The following BCKDHB variants were observed in gnomAD, a reference collection of about 807,000 sequenced individuals.
BCKDHB encodes branched chain keto acid dehydrogenase E1 subunit beta.
BCKDHB carries 41 observed loss-of-function variants against 48.5 expected under a neutral mutation model. The ratio of observed to expected loss-of-function variants is 0.85; its 90% CI spans 0.66 to 1.10. The LOEUF is 1.10. Among genes scored for constraint, BCKDHB ranks in the 50% least tolerant of loss-of-function variants. BCKDHB has a pLI of 0.00. For missense variants in BCKDHB, 496 were observed against 494.2 expected, an observed-to-expected ratio of 1.00 and a Z score of -0.03; for synonymous variants, 201 against 174.8, an observed-to-expected ratio of 1.15 and a Z score of -1.18.
At chr6:80,232,680 A>ATATT (rs3074571) in intron 8 of BCKDHB, among the ~76,000 whole-genome samples, 134,215 of 147,376 alleles carry the variant, frequency 0.91, 61,206 homozygotes, top group East Asian at 0.99. Flanking sequence ...ATAAATATAA[A>ATATT]TATAAATGTA....
the BCKDHB span, chr6:80,356,430 T>A: frequency 6.6e-6 from 1 of 152,204 alleles, no homozygotes; most frequent in Non-Finnish European, 1.5e-5. Flanking sequence ...TCAGGTACAA[T>A]GTACAATTTT....
chr6:80,400,728 G>A, the BCKDHB span, among the ~76,000 whole-genome samples: 71 of 151,878 alleles, frequency 4.7e-4, 1 homozygote, highest in Admixed American at 4.7e-3. Context: ...TATCCCCAAG[G>A]AATATAAATT....
intron 8 of BCKDHB, among the ~76,000 whole-genome samples, chr6:80,211,591 C>T (rs1203997255): frequency 6.6e-6 from 1 of 152,166 alleles, no homozygotes; most frequent in East Asian, 1.9e-4. Context: ...AAGTCAAATT[C>T]CTTACCATGG....
At chr6:80,429,367 G>C in the BCKDHB span, among the ~76,000 whole-genome samples, 3 of 152,070 alleles carry the variant, frequency 2.0e-5, no homozygotes, top group African/African-American at 7.2e-5. Flanking sequence ...TGTTTTTTTG[G>C]TTCCATATGA....
chr6:80,224,351 T>C (rs1357184321), intron 8 of BCKDHB, among the ~76,000 whole-genome samples: 1 of 152,174 alleles, frequency 6.6e-6, no homozygotes, highest in Non-Finnish European at 1.5e-5. Flanking sequence ...ACCACAGACA[T>C]ATGTCTACAA....
intron 8 of BCKDHB, among the ~76,000 whole-genome samples, chr6:80,227,428 C>T (rs1775725186): frequency 6.6e-6 from 1 of 152,110 alleles, no homozygotes; most frequent in Non-Finnish European, 1.5e-5. Context: ...TATTTCATCT[C>T]TTTAGGGCTT....
At chr6:80,232,129 T>C (rs1775950876) in intron 8 of BCKDHB, among the ~76,000 whole-genome samples, 1 of 152,186 alleles carries the variant, frequency 6.6e-6, no homozygotes, top group Non-Finnish European at 1.5e-5. Flanking sequence ...AGAATTAAAG[T>C]ATAGGGATAT....
the BCKDHB span, among the ~76,000 whole-genome samples, chr6:80,443,125 C>T: frequency 6.6e-6 from 1 of 152,106 alleles, no homozygotes; most frequent in Non-Finnish European, 1.5e-5. Context: ...CATCATATGG[C>T]TCTAAGCATC....
chr6:80,247,797 A>G (rs1419401340), intron 8 of BCKDHB, among the ~76,000 whole-genome samples: 1 of 152,178 alleles, frequency 6.6e-6, no homozygotes, highest in African/African-American at 2.4e-5. Flanking sequence ...ACCATTGTGA[A>G]TTGCTGCTAA....
the BCKDHB span, among the ~76,000 whole-genome samples, chr6:80,455,860 A>G: frequency 6.6e-6 from 1 of 152,136 alleles, no homozygotes; most frequent in African/African-American, 2.4e-5. Flanking sequence ...AAAGAAGACC[A>G]TTGACGTTGG....
At chr6:80,408,767 C>G in the BCKDHB span, among the ~76,000 whole-genome samples, 1 of 147,448 alleles carries the variant, frequency 6.8e-6, no homozygotes, top group Admixed American at 6.8e-5. Context: ...ATTAGTGTTG[C>G]TAGCGGTCTA....
chr6:80,414,241 T>G, the BCKDHB span, among the ~76,000 whole-genome samples: 1 of 152,190 alleles, frequency 6.6e-6, no homozygotes, highest in Non-Finnish European at 1.5e-5. Flanking sequence ...TCCCATTCTG[T>G]AGGTTGTCCC....
At chr6:80,260,767 G>A (rs537202061) in intron 8 of BCKDHB, among the ~76,000 whole-genome samples, 1 of 152,244 alleles carries the variant, frequency 6.6e-6, no homozygotes, top group East Asian at 1.9e-4. Flanking sequence ...GTTTATACTG[G>A]TAAATATCCA....
chr6:80,144,903 G>A (rs574002195), intron 3 of BCKDHB, among the ~76,000 whole-genome samples: 1 of 152,264 alleles, frequency 6.6e-6, no homozygotes, highest in African/African-American at 2.4e-5. Context: ...TCTTGTAGCA[G>A]TATAGTGCCA....
At chr6:80,263,755 C>G (rs1008906258) in intron 8 of BCKDHB, among the ~76,000 whole-genome samples, 2 of 152,090 alleles carry the variant, frequency 1.3e-5, no homozygotes, top group South Asian at 2.1e-4. Flanking sequence ...ACCCTTGATA[C>G]GTGCTTAAAA....
the BCKDHB span, among the ~76,000 whole-genome samples, chr6:80,426,558 C>T: frequency 1.3e-5 from 2 of 152,026 alleles, no homozygotes; most frequent in African/African-American, 4.8e-5. Flanking sequence ...TGTAAATTTT[C>T]CATGTGATGT....
the BCKDHB span, among the ~76,000 whole-genome samples, chr6:80,368,075 A>G: frequency 2.0e-5 from 3 of 152,172 alleles, no homozygotes; most frequent in Non-Finnish European, 4.4e-5. Flanking sequence ...AGTCCATCTA[A>G]TAAGTGTCAT....
chr6:80,436,661 T>A, the BCKDHB span, among the ~76,000 whole-genome samples: 1 of 152,208 alleles, frequency 6.6e-6, no homozygotes, highest in Non-Finnish European at 1.5e-5. Flanking sequence ...TTCTTTGTGA[T>A]TCCAAGGCAT....
chr6:80,364,372 C>T, the BCKDHB span, among the ~76,000 whole-genome samples: 1 of 152,110 alleles, frequency 6.6e-6, no homozygotes, highest in Non-Finnish European at 1.5e-5. Flanking sequence ...TCAGGCATTG[C>T]TATTGACTCT....
Sources: allele counts gnomAD v4.1 joint callset (sites outside exome capture counted in the v4.1 genomes callset), GRCh38; gene constraint gnomAD v4.1.1; transcripts MANE v1.5; gene names NCBI Gene and HGNC (gene_info 2026-07-23, HGNC 2026-07-21).